Variants in SCIN observed in about 807,000 individuals in gnomAD.
SCIN encodes adseverin.
Under a neutral mutation model 91.8 loss-of-function variants are expected in SCIN, and 91 were observed. The ratio of observed to expected loss-of-function variants is 0.99; its 90% CI spans 0.84 to 1.18. SCIN has a LOEUF of 1.18. Ranked by LOEUF, SCIN falls within the 50% of genes most tolerant of loss-of-function variation. The pLI is 0.00. For missense variants in SCIN, 1,087 were observed against 863.9 expected (o/e 1.26, Z -3.24); for synonymous variants, 367 against 312.6 (o/e 1.17, Z -1.84).
At chr7:12,595,953 G>A (rs983316782) in intron 3 of SCIN, among the ~76,000 whole-genome samples, 3 of 152,160 alleles carry the variant, frequency 2.0e-5, no homozygotes, top group Admixed American at 1.3e-4. Flanking sequence ...TCAGAAGAAA[G>A]AATTCGACTG....
chr7:12,592,235 A>G (rs1452607008), intron 3 of SCIN, among the ~76,000 whole-genome samples: 2 of 152,042 alleles, frequency 1.3e-5, no homozygotes, highest in Non-Finnish European at 2.9e-5. Flanking sequence ...GACGAGAGAG[A>G]GAAGTGGATA....
intron 4 of SCIN, among the ~76,000 whole-genome samples, chr7:12,607,562 T>A (rs1370109822): frequency 6.6e-6 from 1 of 152,236 alleles, no homozygotes; most frequent in Non-Finnish European, 1.5e-5. Context: ...TAAAATGTGA[T>A]GTCTGTGTTT....
In SCIN at chr7:12,652,733, GCAAA is replaced by G; in HGVS notation, c.*25_*28del. 6.3e-7 allele frequency: 1 copy of G among 1,599,508 alleles called. No homozygotes were observed. On this transcript the variant is annotated 3_prime_UTR_variant, in exon 16 of 16. Transcript: ENST00000297029. ...AGTGGTAAATTGGTATTTGTAAAAA[GCAAA>G]CAAACATTACAAGGCAGTTATCTCA... is the stretch of plus-strand genomic sequence containing the variant.
At chr7:12,596,971 T>C (rs1251088454) in intron 3 of SCIN, among the ~76,000 whole-genome samples, 2 of 152,228 alleles carry the variant, frequency 1.3e-5, no homozygotes, top group East Asian at 3.8e-4. Flanking sequence ...CAAATGTAGT[T>C]GCTTCCTTTC....
At chr7:12,624,089 G>T (rs1783463694) in intron 5 of SCIN, among the ~76,000 whole-genome samples, 1 of 152,142 alleles carries the variant, frequency 6.6e-6, no homozygotes, top group Admixed American at 6.5e-5. Context: ...GCTTCCTCTA[G>T]TGGAGCTATG....
chr7:12,622,715 C>T, intron 4 of SCIN, 86 bp from the exon 5 acceptor site: 2 of 894,810 alleles, frequency 2.2e-6, no homozygotes, highest in South Asian at 1.5e-5. Context: ...ATTTTATAAT[C>T]CATGTCTTTA....
chr7:12,638,221 T>A (rs1014263438), intron 10 of SCIN, among the ~76,000 whole-genome samples: 2 of 152,184 alleles, frequency 1.3e-5, no homozygotes, highest in African/African-American at 4.8e-5. Flanking sequence ...TGCTTTCTCG[T>A]TCATTCTGTG....
intron 4 of SCIN, among the ~76,000 whole-genome samples, chr7:12,605,418 C>T (rs1415160428): frequency 1.3e-5 from 2 of 152,046 alleles, no homozygotes; most frequent in East Asian, 1.9e-4. Flanking sequence ...GTTGAGTATC[C>T]CTTTTCCAAA....
chr7:12,587,653 G>C (rs1220939291), intron 3 of SCIN, among the ~76,000 whole-genome samples: 1 of 152,154 alleles, frequency 6.6e-6, no homozygotes, highest in Non-Finnish European at 1.5e-5. Flanking sequence ...CATCGTACCA[G>C]TGCCCCTTGG....
intron 2 of SCIN, among the ~76,000 whole-genome samples, chr7:12,580,807 G>A (rs995708545): frequency 1.3e-5 from 2 of 152,188 alleles, no homozygotes; most frequent in Non-Finnish European, 2.9e-5. Context: ...TACACTGAAG[G>A]TTCTCAGTAA....
At chr7:12,595,959 G>A (rs1019839975) in intron 3 of SCIN, among the ~76,000 whole-genome samples, 14 of 152,126 alleles carry the variant, frequency 9.2e-5, no homozygotes, top group African/African-American at 2.9e-4. Context: ...GAAAGAATTC[G>A]ACTGACGGGC....
At chr7:12,636,791 C>A (rs1012988413) in intron 10 of SCIN, among the ~76,000 whole-genome samples, 1 of 152,098 alleles carries the variant, frequency 6.6e-6, no homozygotes, top group Non-Finnish European at 1.5e-5. Flanking sequence ...GGATATCGAA[C>A]ATTCCCAACA....
intron 1 of SCIN, 146 bp downstream of exon 1, chr7:12,571,131 G>A (rs1296580240): frequency 2.8e-5 from 25 of 889,194 alleles, no homozygotes; most frequent in Non-Finnish European, 4.1e-5. Context: ...CTTTGGGGCC[G>A]GCCACTTTCT....
chr7:12,636,988 C>G (rs2115288712), intron 10 of SCIN, among the ~76,000 whole-genome samples: 1 of 152,182 alleles, frequency 6.6e-6, no homozygotes, highest in East Asian at 1.9e-4. Context: ...CCAGAAAAAG[C>G]AAGGAATAGA....
chr7:12,600,513 A>G (rs1034573100), intron 3 of SCIN, among the ~76,000 whole-genome samples: 4 of 152,218 alleles, frequency 2.6e-5, no homozygotes, highest in African/African-American at 9.6e-5. Flanking sequence ...AAAAATTTAA[A>G]ACAAAAACAA....
At chr7:12,642,064 A>G (rs1223485073) in intron 11 of SCIN, among the ~76,000 whole-genome samples, 2 of 151,450 alleles carry the variant, frequency 1.3e-5, no homozygotes, top group African/African-American at 2.4e-5. Context: ...AATATTATAT[A>G]CTATATGTAT....
intron 9 of SCIN, among the ~76,000 whole-genome samples, chr7:12,630,769 C>T (rs1783626067): frequency 6.6e-6 from 1 of 152,170 alleles, no homozygotes; most frequent in African/African-American, 2.4e-5. Flanking sequence ...CTCAAAGTCA[C>T]AGCTGTTGTA....
intron 3 of SCIN, among the ~76,000 whole-genome samples, chr7:12,587,710 A>G (rs1782618440): frequency 6.6e-6 from 1 of 152,174 alleles, no homozygotes; most frequent in Non-Finnish European, 1.5e-5. Context: ...TCTAATGCTT[A>G]GGCTCATGGA....
intron 3 of SCIN, among the ~76,000 whole-genome samples, chr7:12,593,694 C>G (rs1056890585): frequency 6.6e-6 from 1 of 152,056 alleles, no homozygotes; most frequent in African/African-American, 2.4e-5. Flanking sequence ...CTATGGGCAG[C>G]TTTGTTAAGG....
Sources: gnomAD v4.1 joint callset for allele counts (sites outside exome capture counted in the v4.1 genomes callset) on GRCh38, gnomAD v4.1.1 for gene constraint, MANE v1.5 for transcripts, NCBI Gene and HGNC (gene_info 2026-07-23, HGNC 2026-07-21) for gene names.